Variants in FRK observed in about 807,000 individuals in gnomAD.
The protein encoded by FRK is tyrosine-protein kinase FRK.
In FRK, 51 loss-of-function variants were observed where a neutral mutation model predicts 56.4. The ratio of observed to expected loss-of-function variants is 0.90; its 90% CI spans 0.72 to 1.14. The LOEUF (loss-of-function observed/expected upper bound fraction) is 1.14, where lower values mean the gene tolerates loss of function less well. FRK is among the 50% of genes most tolerant of loss of function. The probability of loss-of-function intolerance (pLI) is 0.00; values close to 1 mark genes in which losing one functional copy is unlikely to be tolerated. For missense variants in FRK, 570 were observed against 601.4 expected (o/e 0.95, Z 0.55); for synonymous variants, 245 against 217.9 (o/e 1.12, Z -1.10).
rs1582626243 is a variant in FRK, at chr6:115,942,701, T to C, written c.1307-76A>G. 3.2e-6 allele frequency: 4 copies of C among 1,243,654 alleles called. No homozygotes were observed. The East Asian group carries it at 9.4e-5, about 29-fold the overall frequency. The allele number at this position is 1,243,654 out of a possible 1,614,324, so 77.0% of individuals were successfully genotyped here. A position where few individuals can be genotyped will look rare whatever the true frequency, so the allele number is the denominator to read the frequency against. On this transcript the variant is annotated intron_variant, in intron 7 of 7. Transcript: ENST00000606080. ...TCAGAGTCTTAAACTTATAGCCATT[T>C]ATACTCTAGGTTACTAAGTAAGTCA...
the FRK span, among the ~76,000 whole-genome samples, chr6:116,088,830 C>G: frequency 3.3e-5 from 5 of 152,172 alleles, no homozygotes; most frequent in African/African-American, 1.2e-4. Flanking sequence ...AAAGTAAACA[C>G]TTTCTGAGTT....
intron 2 of FRK, among the ~76,000 whole-genome samples, chr6:115,982,859 G>A (rs374730398): frequency 6.6e-6 from 1 of 152,122 alleles, no homozygotes; most frequent in African/African-American, 2.4e-5. Flanking sequence ...ATCACTTGAG[G>A]TTAGGAGTTT....
intron 2 of FRK, among the ~76,000 whole-genome samples, chr6:115,971,251 T>A: frequency 6.6e-6 from 1 of 152,230 alleles, no homozygotes; most frequent in East Asian, 1.9e-4. Context: ...ATTTTCACCC[T>A]GGGTATAAAA....
the FRK span, among the ~76,000 whole-genome samples, chr6:116,090,321 ATGATACGGGACAG>A: frequency 6.6e-6 from 1 of 152,218 alleles, no homozygotes; most frequent in African/African-American, 2.4e-5. Flanking sequence ...GTGTAATGTG[ATGATACGGGACAG>A]TGATTAGAAT....
At chr6:116,093,905 G>C in the FRK span, among the ~76,000 whole-genome samples, 1 of 152,104 alleles carries the variant, frequency 6.6e-6, no homozygotes, top group Non-Finnish European at 1.5e-5. Flanking sequence ...TGAGCCCTGG[G>C]CCCTGAACAA....
rs1771955202 is a variant in FRK, at chr6:115,931,367, G to C, written c.*11047C>G. The stretch of plus-strand genomic sequence containing the variant: ...ACAGAAATAAAAATGTTTAAAAATT[G>C]TAAGTAGTTACATTTGAATCTGGGT... On this transcript the variant is annotated 3_prime_UTR_variant, in exon 8 of 8. Coordinates refer to ENST00000606080, the MANE Select transcript of FRK (RefSeq NM_002031.3). The C allele has an allele frequency of 6.6e-6, 1 of 152,106 alleles. No homozygotes were observed. The highest frequency in any genetic ancestry group is 2.4e-5 in the African/African-American group (1 of 41,418). The allele number at this position is 152,106 out of a possible 1,614,324, so 9.4% of individuals were successfully genotyped here.
intron 2 of FRK, among the ~76,000 whole-genome samples, chr6:115,994,538 A>G (rs1356380632): frequency 2.6e-5 from 4 of 152,124 alleles, no homozygotes; most frequent in Non-Finnish European, 5.9e-5. Flanking sequence ...ATTTTGCCAG[A>G]AAAAGAGTGG....
rs1038566480 is a variant in FRK at position 115,936,494 on chromosome 6, T to C, written c.*5920A>G. The C allele has an allele frequency of 2.6e-5, 4 of 152,210 alleles. No individual in the cohort carries two copies. Among genetic ancestry groups the C allele is most frequent in the African/African-American group, 4.8e-5 (2 of 41,534 alleles). The allele number at this position is 152,210 out of a possible 1,614,324, so 9.4% of individuals were successfully genotyped here. On this transcript the variant is annotated 3_prime_UTR_variant, in exon 8 of 8. Transcript: ENST00000606080. Reference sequence around the variant, plus strand: ...AATGAGTTTGACGGATGGATAGAAGTAGGCCTCAGAAGGTGGGTAATAACA... The same window carrying C: ...AATGAGTTTGACGGATGGATAGAAGCAGGCCTCAGAAGGTGGGTAATAACA...
intron 1 of FRK, 47 bp downstream of exon 1, chr6:116,059,921 C>A (rs1253322821): frequency 6.8e-7 from 1 of 1,480,244 alleles, no homozygotes; most frequent in African/African-American, 1.4e-5. Flanking sequence ...ACTCATTACC[C>A]AGCCCTCAGA....
intron 1 of FRK, among the ~76,000 whole-genome samples, chr6:116,008,892 C>A (rs978003841): frequency 6.6e-5 from 10 of 152,146 alleles, no homozygotes; most frequent in African/African-American, 2.2e-4. Flanking sequence ...TCAGGAGCAT[C>A]GCATCACATG....
chr6:116,096,024 G>A, the FRK span, among the ~76,000 whole-genome samples: 21 of 152,048 alleles, frequency 1.4e-4, no homozygotes, highest in East Asian at 3.8e-4. Context: ...GCCATTACTC[G>A]CCTTCAGGCC....
chr6:116,001,704 A>G (rs944280217), intron 2 of FRK, among the ~76,000 whole-genome samples: 3 of 152,226 alleles, frequency 2.0e-5, no homozygotes, highest in Admixed American at 6.5e-5. Flanking sequence ...GAACCTGGGT[A>G]GTAACTTTTC....
At chr6:115,967,825 A>G in intron 3 of FRK, 106 bp from the exon 4 acceptor site, 2 of 875,690 alleles carry the variant, frequency 2.3e-6, no homozygotes, top group Non-Finnish European at 3.3e-6. Flanking sequence ...ACTTCTTAAA[A>G]CAAAATATTG....
Position 116,008,820 on chromosome 6 carries a change from G to GGA in FRK, c.345-4824_345-4823dup, listed in dbSNP as rs540485120. 2.7e-3 allele frequency among the ~76,000 whole-genome samples: 411 copies of GGA among 152,240 alleles called. 2 individuals are homozygous for GGA. Among genetic ancestry groups the GGA allele is most frequent in the African/African-American group, 8.9e-3 (371 of 41,546 alleles). On this transcript the variant is annotated intron_variant, in intron 1 of 7. Transcript: ENST00000606080. Reference sequence around the variant, plus strand: ...GCTGAGAAGGGATCAAGATATCCTAGGAGTATAAAGCATCACAAGAGAGTC... The same window carrying GGA: ...GCTGAGAAGGGATCAAGATATCCTAGGAGAGTATAAAGCATCACAAGAGAGTC...
chr6:116,072,260 G>GA, the FRK span, among the ~76,000 whole-genome samples: 1 of 152,034 alleles, frequency 6.6e-6, no homozygotes, highest in Non-Finnish European at 1.5e-5. Context: ...AAAAAACATT[G>GA]AAAAAATTGA....
At chr6:115,973,309 C>G (rs560562711) in intron 2 of FRK, among the ~76,000 whole-genome samples, 163 of 152,206 alleles carry the variant, frequency 1.1e-3, no homozygotes, top group African/African-American at 3.8e-3. Flanking sequence ...AACACAAGAA[C>G]AGAAAACCAA....
the FRK span, among the ~76,000 whole-genome samples, chr6:116,090,607 C>G: frequency 1.2e-4 from 18 of 152,286 alleles, no homozygotes; most frequent in Non-Finnish European, 2.1e-4. Flanking sequence ...GACAATGTGT[C>G]TAGAGGCAAC....
intron 2 of FRK, among the ~76,000 whole-genome samples, chr6:115,979,206 T>C (rs1416312788): frequency 6.6e-6 from 1 of 152,130 alleles, no homozygotes; most frequent in African/African-American, 2.4e-5. Context: ...TCCATGGGTG[T>C]TATTGCCCCT....
rs766873000 is a variant in FRK, at chr6:115,934,764, C to CT, written c.*7649dup. On this transcript the variant is annotated 3_prime_UTR_variant, in exon 8 of 8. Coordinates refer to ENST00000606080, the MANE Select transcript of FRK (RefSeq NM_002031.3). ...CTCATGGCTTGTTTCATTCCTATTG[C>CT]TTTACACTGGAAGATCTTTGAATAT... is the stretch of plus-strand genomic sequence containing the variant. 8.5e-5 allele frequency: 13 copies of CT among 152,128 alleles called. No individual in the cohort carries two copies. Among genetic ancestry groups the CT allele is most frequent in the African/African-American group, 1.9e-4 (8 of 41,420 alleles). 9.4% of individuals were successfully genotyped at this position (152,128 alleles called of 1,614,324 possible). A position where few individuals can be genotyped will look rare whatever the true frequency, so the allele number is the denominator to read the frequency against.
Sources: gnomAD v4.1 joint callset for allele counts (sites outside exome capture counted in the v4.1 genomes callset) on GRCh38, gnomAD v4.1.1 for gene constraint, MANE v1.5 for transcripts, NCBI Gene and HGNC (gene_info 2026-07-23, HGNC 2026-07-21) for gene names.